The following RNF217 variants were observed in gnomAD, a reference collection of about 807,000 sequenced individuals.
The protein encoded by RNF217 is E3 ubiquitin-protein ligase RNF217.
A neutral mutation model predicts 57.8 loss-of-function variants in RNF217; 31 were observed. That is an observed-to-expected ratio of 0.54 (90% CI 0.40 to 0.72). RNF217 has a LOEUF of 0.72. RNF217 is among the 30% of genes least tolerant of loss of function. The pLI is 0.00. For synonymous variants in RNF217, 313 were observed against 294.0 expected (o/e 1.06, Z -0.66); for missense variants, 696 against 708.3 (o/e 0.98, Z 0.20).
chr6:124,981,214 A>G (rs560107281), intron 1 of RNF217, among the ~76,000 whole-genome samples: 153 of 152,372 alleles, frequency 1.0e-3, no homozygotes, highest in African/African-American at 3.4e-3. Flanking sequence ...CAGTCATTAA[A>G]TTTGTAATAT....
At chr6:124,973,512 T>C (rs1783839230) in intron 1 of RNF217, among the ~76,000 whole-genome samples, 1 of 152,222 alleles carries the variant, frequency 6.6e-6, no homozygotes, top group Non-Finnish European at 1.5e-5. Flanking sequence ...CAGAAGAGAA[T>C]AGGTGCTCAA....
At chr6:125,071,311 G>A (rs902661666) in intron 3 of RNF217, among the ~76,000 whole-genome samples, 2 of 152,114 alleles carry the variant, frequency 1.3e-5, no homozygotes, top group Non-Finnish European at 2.9e-5. Context: ...CAGTGGCAGC[G>A]AGCTGTGCAG....
chr6:125,010,669 T>C (rs1373838738), intron 1 of RNF217, among the ~76,000 whole-genome samples: 1 of 152,236 alleles, frequency 6.6e-6, no homozygotes, highest in East Asian at 1.9e-4. Context: ...AAACTACCTA[T>C]TCTACTTAAT....
intron 1 of RNF217, among the ~76,000 whole-genome samples, chr6:124,972,041 G>T (rs1196265620): frequency 2.6e-5 from 4 of 152,110 alleles, no homozygotes; most frequent in African/African-American, 9.7e-5. Context: ...TGTAGTGGAT[G>T]TCCCATACAT....
chr6:124,985,700 G>T (rs1401934236), intron 1 of RNF217, among the ~76,000 whole-genome samples: 1 of 152,024 alleles, frequency 6.6e-6, no homozygotes, highest in Non-Finnish European at 1.5e-5. Flanking sequence ...AGAGAAATGT[G>T]TATAGTATAG....
chr6:124,991,017 A>C (rs1231687354), intron 1 of RNF217, among the ~76,000 whole-genome samples: 1 of 152,202 alleles, frequency 6.6e-6, no homozygotes, highest in Non-Finnish European at 1.5e-5. Context: ...CAGTGAGCCA[A>C]GATCACACCA....
Position 125,003,157 on chromosome 6 carries a change from A to G in RNF217, c.882+39731A>G, listed in dbSNP as rs546833175. 1.4e-4 allele frequency among the ~76,000 whole-genome samples: 22 copies of G among 152,240 alleles called. No homozygotes were observed. The South Asian group carries it at 4.6e-3, about 32-fold the overall frequency. ...CTATTCACCTTCAGAGTTGTAAGGG[A>G]GGCTAAAAATCAGATATATGGGTGA... is the stretch of plus-strand genomic sequence containing the variant. On this transcript the variant is annotated intron_variant, in intron 1 of 5. Transcript: ENST00000521654.
intron 2 of RNF217, among the ~76,000 whole-genome samples, chr6:125,057,377 TCACCA>T (rs1787561653): frequency 1.3e-5 from 2 of 152,154 alleles, no homozygotes; most frequent in African/African-American, 4.8e-5. Flanking sequence ...AGATGGGGTT[TCACCA>T]TGTTGGCCAG....
chr6:125,063,890 A>T (rs1392389418), intron 3 of RNF217, among the ~76,000 whole-genome samples: 1 of 152,166 alleles, frequency 6.6e-6, no homozygotes, highest in Non-Finnish European at 1.5e-5. Flanking sequence ...ACTTGTCATG[A>T]TATTTCCCTT....
chr6:124,976,520 G>A (rs1375995809), intron 1 of RNF217, among the ~76,000 whole-genome samples: 3 of 151,180 alleles, frequency 2.0e-5, no homozygotes, highest in Non-Finnish European at 2.9e-5. Context: ...CACCTGCCTC[G>A]GCCTCCCAAA....
intron 1 of RNF217, among the ~76,000 whole-genome samples, chr6:124,981,213 A>G (rs1368810367): frequency 2.6e-5 from 4 of 152,230 alleles, no homozygotes; most frequent in African/African-American, 9.6e-5. Context: ...ACAGTCATTA[A>G]ATTTGTAATA....
chr6:125,050,685 G>A (rs761382801), intron 2 of RNF217, among the ~76,000 whole-genome samples: 4 of 151,634 alleles, frequency 2.6e-5, no homozygotes, highest in South Asian at 2.1e-4. Flanking sequence ...TCCCATGAAC[G>A]TGTAATGAGT....
At chr6:125,002,600 G>A (rs780846055) in intron 1 of RNF217, among the ~76,000 whole-genome samples, 4 of 151,888 alleles carry the variant, frequency 2.6e-5, no homozygotes, top group Non-Finnish European at 5.9e-5. Flanking sequence ...CAGCCACCCC[G>A]TTTTCCTCTT....
At chr6:125,052,330 G>A (rs927632264) in intron 2 of RNF217, among the ~76,000 whole-genome samples, 1 of 135,836 alleles carries the variant, frequency 7.4e-6, no homozygotes, top group Non-Finnish European at 1.5e-5. Context: ...GGTTTTATTT[G>A]TTTTGTTTTG....
At chr6:125,078,528 C>T (rs990405067) in intron 4 of RNF217, among the ~76,000 whole-genome samples, 1 of 152,064 alleles carries the variant, frequency 6.6e-6, no homozygotes, top group Non-Finnish European at 1.5e-5. Context: ...GCAGAAGGGC[C>T]AGCAAGCCCA....
intron 1 of RNF217, among the ~76,000 whole-genome samples, chr6:125,008,097 A>T (rs1006852920): frequency 2.0e-5 from 3 of 152,018 alleles, no homozygotes; most frequent in Non-Finnish European, 4.4e-5. Context: ...TCTACTAAAA[A>T]TACAAAAAAT....
chr6:125,033,128 G>A (rs73578097), intron 1 of RNF217, among the ~76,000 whole-genome samples: 6,287 of 150,618 alleles, frequency 0.042, 274 homozygotes, highest in African/African-American at 0.11. Context: ...ATATATCCAA[G>A]GCCATATAAT....
rs1376201353 is a variant in RNF217 at position 125,082,758 on chromosome 6, T to A, written c.1556-106T>A. Reference sequence around the variant, plus strand: ...TACATTTCATAGCATAGATGTCTTCTTCTTTGTATGTTCGTACACTGCAAA... The same window carrying A: ...TACATTTCATAGCATAGATGTCTTCATCTTTGTATGTTCGTACACTGCAAA... On this transcript the variant is annotated intron_variant, in intron 5 of 5. Coordinates refer to ENST00000521654, the MANE Select transcript of RNF217 (RefSeq NM_001286398.3). 2.6e-6 allele frequency: 3 copies of A among 1,141,260 alleles called. No individual in the cohort carries two copies. The Admixed American group carries it at 7.1e-5, about 27-fold the overall frequency. The allele number at this position is 1,141,260 out of a possible 1,614,324, so 70.7% of individuals were successfully genotyped here. A position where few individuals can be genotyped will look rare whatever the true frequency, so the allele number is the denominator to read the frequency against.
At position 124,962,685 on chromosome 6, in the gene RNF217, C is replaced by G; in HGVS notation, c.141C>G (p.Ser47=). Residue 47 remains serine, a synonymous_variant, in exon 1 of 6, where the codon TCC becomes TCG. Transcript: ENST00000521654. The surrounding 1 kb of genome is among the most constrained non-coding windows in gnomAD (Gnocchi z 4.6). ...SARAPPLRAA[S]AEPSGGGCGS... is the part of the protein sequence containing the mutation. ...GGGCGCCCCCGCTGCGCGCCGCCTC[C>G]GCGGAGCCGAGCGGCGGTGGCTGCG... 7.3e-7 allele frequency: 1 copy of G among 1,367,774 alleles called. No individual in the cohort carries two copies. Among genetic ancestry groups the G allele is most frequent in the Non-Finnish European group, 9.3e-7 (1 of 1,072,738 alleles). 84.7% of individuals were successfully genotyped at this position (1,367,774 alleles called of 1,614,324 possible).
Sources: allele counts gnomAD v4.1 joint callset (sites outside exome capture counted in the v4.1 genomes callset), GRCh38; gene constraint gnomAD v4.1.1; non-coding constraint Gnocchi (gnomAD v3.1); transcripts MANE v1.5; gene names NCBI Gene and HGNC (gene_info 2026-07-23, HGNC 2026-07-21).